The following SCN8A variants were observed in gnomAD, a reference collection of about 807,000 sequenced individuals.
SCN8A encodes the protein sodium channel protein type 8 subunit alpha.
SCN8A carries 30 observed loss-of-function variants against 184.1 expected under a neutral mutation model. The ratio of observed to expected loss-of-function variants is 0.16; its 90% CI spans 0.12 to 0.22. The LOEUF (loss-of-function observed/expected upper bound fraction) is 0.22, where lower values mean the gene tolerates loss of function less well. Ranked by LOEUF, SCN8A falls within the 10% of genes least tolerant of loss-of-function variation. The probability of loss-of-function intolerance (pLI) is 1.00; values close to 1 mark genes in which losing one functional copy is unlikely to be tolerated. For missense variants in SCN8A, 1,057 were observed against 2,498.9 expected, an observed-to-expected ratio of 0.42 and a Z score of 12.30; for synonymous variants, 852 against 907.0, an observed-to-expected ratio of 0.94 and a Z score of 1.09.
chr12:51,707,965 G>A (rs1257977323), intron 11 of SCN8A, among the ~76,000 whole-genome samples: 1 of 152,072 alleles, frequency 6.6e-6, no homozygotes. Flanking sequence ...AGTGTTACCA[G>A]CACATTTGGA....
At chr12:51,653,599 G>A (rs117998952) in intron 1 of SCN8A, among the ~76,000 whole-genome samples, 1,601 of 152,206 alleles carry the variant, frequency 0.011, 14 homozygotes, top group Non-Finnish European at 0.016. Context: ...AGACATTTGG[G>A]TTGTTTCCAC....
intron 25 of SCN8A, among the ~76,000 whole-genome samples, chr12:51,791,518 A>G (rs1383341555): frequency 2.6e-5 from 4 of 152,202 alleles, no homozygotes; most frequent in African/African-American, 9.6e-5. Flanking sequence ...CTCAAGAAAG[A>G]GAACATTTGG....
At chr12:51,640,520 T>C (rs1940430379) in intron 1 of SCN8A, among the ~76,000 whole-genome samples, 2 of 151,964 alleles carry the variant, frequency 1.3e-5, no homozygotes, top group African/African-American at 4.8e-5. Context: ...ATAGGTAAGA[T>C]AGCATTCTAA....
In SCN8A at chr12:51,806,662, G is replaced by C; in HGVS notation, c.5176G>C (p.Glu1726Gln). 1 of 1,614,130 alleles carries C rather than the reference G, an allele frequency of 6.2e-7. No homozygotes were observed. The highest frequency in any genetic ancestry group is 8.5e-7 in the Non-Finnish European group (1 of 1,180,008). Residue 1726 changes from glutamate (E) to glutamine (Q), a missense_variant, in exon 27 of 27, where the codon GAA (glutamate) becomes CAA (glutamine). This residue lies in a region of SCN8A where 21 missense variants were observed against 42.3 expected (regional missense o/e 0.50). Coordinates refer to ENST00000627620, the MANE Select transcript of SCN8A (RefSeq NM_001330260.2). This position sits in a 1 kb window ranked among gnomAD's most constrained non-coding sequence, Gnocchi z 8.7. ...CCCCCCTGACTGCAGCCTAGATAAGGAACACCCAGGGAGTGGCTTTAAGGG... is the reference window on the plus strand; with the variant it reads ...CCCCCCTGACTGCAGCCTAGATAAGCAACACCCAGGGAGTGGCTTTAAGGG... The part of the protein sequence containing the change: ...NRPPDCSLDK[E>Q]HPGSGFKGDC...
At position 51,799,167 on chromosome 12, in the gene SCN8A, C is replaced by G. The variant is rs144071830; in HGVS notation, c.4795+4526C>G. Among the ~76,000 whole-genome samples the G allele has an allele frequency of 1.8e-3, 271 of 152,350 alleles. 1 individual carries two copies. The highest frequency in any genetic ancestry group is 6.8e-3 in the Middle Eastern group (2 of 294). ...CGAACTCCCCATGAGGCCATCTCTG[C>G]AGGCTCTGGGAGAGAAGGTAGGGTG... On this transcript the variant is annotated intron_variant, in intron 26 of 26. Transcript: ENST00000627620.
rs1410900258 is a variant in SCN8A at position 51,807,044 on chromosome 12, A to G, written c.5558A>G (p.Lys1853Arg). The change falls in exon 27 of 27, where the codon AAG becomes AGG. Residue 1853 changes from lysine to arginine, a missense_variant. By Grantham distance (26) the Lys-to-Arg change is conservative. This residue lies in a region of SCN8A where 50 missense variants were observed against 125.8 expected (regional missense o/e 0.40). Coordinates refer to ENST00000627620, the MANE Select transcript of SCN8A (RefSeq NM_001330260.2). This position sits in a 1 kb window ranked among gnomAD's most constrained non-coding sequence, Gnocchi z 4.5. ...HCLDILFAFTKRVLGDSGELD... is the reference protein window; with the variant it reads ...HCLDILFAFTRRVLGDSGELD... Reference sequence around the variant, plus strand: ...TTGGACATCCTTTTTGCCTTCACCAAGCGGGTCCTGGGAGATAGCGGGGAG... The same window carrying G: ...TTGGACATCCTTTTTGCCTTCACCAGGCGGGTCCTGGGAGATAGCGGGGAG... 7.4e-6 allele frequency: 12 copies of G among 1,613,878 alleles called. No individual in the cohort carries two copies. Among genetic ancestry groups the G allele is most frequent in the Admixed American group, 1.7e-5 (1 of 60,004 alleles).
intron 12 of SCN8A, among the ~76,000 whole-genome samples, chr12:51,737,234 G>A (rs1942341228): frequency 6.6e-6 from 1 of 152,172 alleles, no homozygotes; most frequent in Non-Finnish European, 1.5e-5. Flanking sequence ...ATCTAAATAA[G>A]GAGTTAGAGT....
chr12:51,667,887 A>T (rs1941063076), intron 2 of SCN8A, among the ~76,000 whole-genome samples: 1 of 152,190 alleles, frequency 6.6e-6, no homozygotes, highest in Non-Finnish European at 1.5e-5. Context: ...CTATTGCATT[A>T]AAAAAATTAT....
intron 1 of SCN8A, among the ~76,000 whole-genome samples, chr12:51,598,568 A>G (rs751696970): frequency 6.6e-6 from 1 of 152,176 alleles, no homozygotes; most frequent in Non-Finnish European, 1.5e-5. Flanking sequence ...ATTTAATACA[A>G]AAACATTTTC....
At chr12:51,747,172 G>T (rs1942526449) in intron 13 of SCN8A, among the ~76,000 whole-genome samples, 1 of 149,548 alleles carries the variant, frequency 6.7e-6, no homozygotes, top group South Asian at 2.1e-4. Context: ...CCCTAGAAAA[G>T]AATTCTCTAA....
At chr12:51,659,727 C>T (rs1186623657) in intron 1 of SCN8A, among the ~76,000 whole-genome samples, 1 of 151,842 alleles carries the variant, frequency 6.6e-6, no homozygotes, top group Non-Finnish European at 1.5e-5. Flanking sequence ...TGCAGTAGGA[C>T]CTGAATTAGG....
Position 51,810,307 on chromosome 12 carries a change from GCTCA to G in SCN8A, c.*2890_*2893del, listed in dbSNP as rs756005881. 44 of 305,918 alleles carry G rather than the reference GCTCA, an allele frequency of 1.4e-4. No homozygotes were observed. Among genetic ancestry groups the G allele is most frequent in the Non-Finnish European group, 1.8e-4 (26 of 147,618 alleles). 19.0% of individuals were successfully genotyped at this position (305,918 alleles called of 1,614,324 possible). A position where few individuals can be genotyped will look rare whatever the true frequency, so the allele number is the denominator to read the frequency against. Reference sequence around the variant, plus strand: ...TCCTTCACCCACTGTCCTTCCACCTGCTCACTCACTCACTCTCTCACCCATCCTG... The same window carrying G: ...TCCTTCACCCACTGTCCTTCCACCTGCTCACTCACTCTCTCACCCATCCTG... On this transcript the variant is annotated 3_prime_UTR_variant, in exon 27 of 27. Transcript: ENST00000627620.
chr12:51,736,893 C>G (rs911900997), intron 12 of SCN8A, among the ~76,000 whole-genome samples: 3 of 152,218 alleles, frequency 2.0e-5, no homozygotes, highest in Admixed American at 1.3e-4. Context: ...TATAGGGCGT[C>G]TGAAAAACTT....
intron 12 of SCN8A, among the ~76,000 whole-genome samples, chr12:51,729,926 A>G (rs772599413): frequency 4.6e-5 from 7 of 151,898 alleles, no homozygotes; most frequent in African/African-American, 7.3e-5. Context: ...ATCTTTTCCT[A>G]TGTTTTTTGG....
chr12:51,689,204 C>T (rs1941468123), intron 6 of SCN8A, 108 bp downstream of exon 6: 3 of 844,160 alleles, frequency 3.6e-6, no homozygotes, highest in Non-Finnish European at 5.6e-6. Flanking sequence ...AATGGCCTTG[C>T]ATTCTGCATG....
intron 1 of SCN8A, among the ~76,000 whole-genome samples, chr12:51,645,088 C>T (rs1039950303): frequency 6.7e-6 from 1 of 149,590 alleles, no homozygotes; most frequent in African/African-American, 2.5e-5. Flanking sequence ...GGGGGATCAG[C>T]CCCCCGCCCG....
intron 14 of SCN8A, among the ~76,000 whole-genome samples, chr12:51,751,838 C>G (rs1468562475): frequency 6.6e-6 from 1 of 152,212 alleles, no homozygotes; most frequent in Non-Finnish European, 1.5e-5. Context: ...ATGTTGGCGA[C>G]AGAATGGGAG....
intron 1 of SCN8A, among the ~76,000 whole-genome samples, chr12:51,646,181 G>T (rs1940585766): frequency 6.6e-6 from 1 of 151,982 alleles, no homozygotes; most frequent in African/African-American, 2.4e-5. Context: ...AGTCACTCTT[G>T]GGACAGGTAG....
intron 1 of SCN8A, among the ~76,000 whole-genome samples, chr12:51,626,807 TATTA>T (rs1202357112): frequency 2.0e-5 from 3 of 150,098 alleles, no homozygotes; most frequent in Non-Finnish European, 4.4e-5. Flanking sequence ...TATATTAAAT[TATTA>T]ATTGATATTT....
Sources: gnomAD v4.1 joint callset for allele counts (sites outside exome capture counted in the v4.1 genomes callset) on GRCh38, gnomAD v4.1.1 for gene constraint, gnomAD v4.1.1 regional missense constraint, Gnocchi (gnomAD v3.1) non-coding constraint, MANE v1.5 for transcripts, NCBI Gene and HGNC (gene_info 2026-07-23, HGNC 2026-07-21) for gene names.